ITGAX: variants seen among roughly 807,000 people sequenced by gnomAD.
ITGAX encodes integrin subunit alpha X.
Under a neutral mutation model 140.2 loss-of-function variants are expected in ITGAX, and 99 were observed. That is an observed-to-expected ratio of 0.71 (90% CI 0.60 to 0.83). The LOEUF (loss-of-function observed/expected upper bound fraction) is 0.83. Ranked by LOEUF, ITGAX falls within the 40% of genes least tolerant of loss-of-function variation. The probability of loss-of-function intolerance (pLI) is 0.00; values close to 1 mark genes in which losing one functional copy is unlikely to be tolerated. For synonymous variants in ITGAX, 631 were observed against 600.4 expected (o/e 1.05, Z -0.75); for missense variants, 1,444 against 1,482.0 (o/e 0.97, Z 0.42).
At chr16:31,359,429 A>G (rs1284472909) in intron 5 of ITGAX, among the ~76,000 whole-genome samples, 1 of 152,020 alleles carries the variant, frequency 6.6e-6, no homozygotes, top group Non-Finnish European at 1.5e-5. Context: ...CTCCCAAAGT[A>G]CTGGGATTAC....
rs758876644 is a variant in ITGAX at position 31,360,394 on chromosome 16, C to T, written c.792C>T (p.Gly264=). 8.7e-6 allele frequency: 14 copies of T among 1,613,992 alleles called. No individual in the cohort carries two copies. Among genetic ancestry groups the T allele is most frequent in the South Asian group, 5.5e-5 (5 of 91,086 alleles). Residue 264 remains glycine, a synonymous_variant, in exon 8 of 30, where the codon GGC becomes GGT. Coordinates refer to ENST00000268296, the MANE Select transcript of ITGAX (RefSeq NM_000887.5). ...TCATCACTGATGGGAAGAAAGAAGG[C>T]GACAGCCTGGATTATAAGGATGTCA... The part of the protein sequence containing the change: ...LIVITDGKKE[G]DSLDYKDVIP...
chr16:31,382,481 T>G lies in ITGAX; in HGVS notation c.*574T>G. 1 of 1,521,532 alleles carries G rather than the reference T, an allele frequency of 6.6e-7. No homozygotes were observed. Among genetic ancestry groups the G allele is most frequent in the South Asian group, 1.2e-5 (1 of 83,786 alleles). 94.3% of individuals were successfully genotyped at this position (1,521,532 alleles called of 1,614,324 possible). ...TGTCTTCAACAGCTCCCCATTACCC[T>G]CAGGACAATGTCTGAACTCTCCAGC... On this transcript the variant is annotated 3_prime_UTR_variant, in exon 30 of 30. Coordinates refer to ENST00000268296, the MANE Select transcript of ITGAX (RefSeq NM_000887.5).
chr16:31,360,470 C>T lies in ITGAX; in HGVS notation c.861+7C>T, dbSNP rs377370742. ...CATCCGCTATGCAATTGGGGTAGGG[C>T]GTGGGATGGCTTCCCACTTCTCCCA... On this transcript the variant is annotated splice_region_variant and intron_variant, in intron 8 of 29. Coordinates refer to ENST00000268296, the MANE Select transcript of ITGAX (RefSeq NM_000887.5). The T allele has an allele frequency of 1.3e-4, 205 of 1,594,866 alleles. 1 individual carries two copies. Among genetic ancestry groups the T allele is most frequent in the Non-Finnish European group, 1.6e-4 (185 of 1,170,348 alleles).
Position 31,371,133 on chromosome 16 carries a change from C to T in ITGAX, c.1760C>T (p.Ala587Val). Residue 587 changes from alanine (A) to valine (V), a missense_variant, in exon 15 of 30, where the codon GCA becomes GTA. By Grantham distance (64) the Ala-to-Val change is moderately conservative. Coordinates refer to ENST00000268296, the MANE Select transcript of ITGAX (RefSeq NM_000887.5). ...TCCAGGCTGCAGTATTTTGGGCAGGCACTGAGCGGGGGTCAAGACCTCACC... is the reference window on the plus strand; with the variant it reads ...TCCAGGCTGCAGTATTTTGGGCAGGTACTGAGCGGGGGTCAAGACCTCACC... Reference protein sequence around the residue: ...LSSRLQYFGQALSGGQDLTQD... With the variant: ...LSSRLQYFGQVLSGGQDLTQD... The T allele has an allele frequency of 6.2e-7, 1 of 1,614,138 alleles. No homozygotes were observed. Among genetic ancestry groups the T allele is most frequent in the Non-Finnish European group, 8.5e-7 (1 of 1,180,026 alleles).
At chr16:31,379,547 T>G in intron 23 of ITGAX, 21 bp from the exon 24 acceptor site, 2 of 1,554,710 alleles carry the variant, frequency 1.3e-6, no homozygotes, top group Non-Finnish European at 1.7e-6. Flanking sequence ...TCACATCCAC[T>G]TATGCGTCTT....
chr16:31,382,694 G>C lies in ITGAX; in HGVS notation c.*787G>C. ...TTGGGAGTGAGATGCCTGCATGCTG[G>C]GTTCTGCACAGCTGGCCTCCCGCGT... is the stretch of plus-strand genomic sequence containing the variant. On this transcript the variant is annotated 3_prime_UTR_variant, in exon 30 of 30. Coordinates refer to ENST00000268296, the MANE Select transcript of ITGAX (RefSeq NM_000887.5). 1 of 578,034 alleles carries C rather than the reference G, an allele frequency of 1.7e-6. No individual in the cohort carries two copies. The highest frequency in any genetic ancestry group is 2.0e-5 in the South Asian group (1 of 49,774). The allele number at this position is 578,034 out of a possible 1,614,324, so 35.8% of individuals were successfully genotyped here. A position where few individuals can be genotyped will look rare whatever the true frequency, so the allele number is the denominator to read the frequency against.
At chr16:31,376,938 C>T in intron 21 of ITGAX, 23 bp downstream of exon 21, 1 of 1,613,544 alleles carries the variant, frequency 6.2e-7, no homozygotes, top group Non-Finnish European at 8.5e-7. Flanking sequence ...TCTGTCCCCT[C>T]ACTGCTCCCC....
chr16:31,382,979 A>G lies in ITGAX; in HGVS notation c.*1072A>G, dbSNP rs989346414. The G allele has an allele frequency of 6.2e-6, 1 of 161,870 alleles. No homozygotes were observed. Among genetic ancestry groups the G allele is most frequent in the African/African-American group, 2.4e-5 (1 of 41,564 alleles). The allele number at this position is 161,870 out of a possible 1,614,324, so 10.0% of individuals were successfully genotyped here. The stretch of plus-strand genomic sequence containing the variant: ...TTGGGAAATATGTCAAAGGTCTAAA[A>G]ATAAAAAAGCCTTCTGTGGATATGA... On this transcript the variant is annotated 3_prime_UTR_variant, in exon 30 of 30. Coordinates refer to ENST00000268296, the MANE Select transcript of ITGAX (RefSeq NM_000887.5).
chr16:31,360,188 C>G lies in ITGAX; in HGVS notation c.708-122C>G, dbSNP rs913109729. 4.6e-6 allele frequency: 7 copies of G among 1,508,518 alleles called. 1 individual carries two copies. The Admixed American group carries it at 8.0e-5, about 17-fold the overall frequency. 93.4% of individuals were successfully genotyped at this position (1,508,518 alleles called of 1,614,324 possible). Reference sequence around the variant, plus strand: ...TCCAGCCCGTGATACCCTTGCCAAGCTGGGGCCTCTGGGTGGGACTGGGGC... The same window carrying G: ...TCCAGCCCGTGATACCCTTGCCAAGGTGGGGCCTCTGGGTGGGACTGGGGC... On this transcript the variant is annotated intron_variant, in intron 7 of 29. Coordinates refer to ENST00000268296, the MANE Select transcript of ITGAX (RefSeq NM_000887.5).
chr16:31,355,875 T>C lies in ITGAX; in HGVS notation c.38-18T>C, dbSNP rs763363261. 6.3e-7 allele frequency: 1 copy of C among 1,595,218 alleles called. No homozygotes were observed. Among genetic ancestry groups the C allele is most frequent in the Admixed American group, 1.7e-5 (1 of 59,678 alleles). On this transcript the variant is annotated intron_variant, in intron 1 of 29. Transcript: ENST00000268296. ...AGGAAGACCCTTCTCCAAAGCTCTC[T>C]TCCCACCTCTTTCCCAGCCTTAGCA...
intron 9 of ITGAX, 140 bp downstream of exon 9, chr16:31,361,353 G>A: frequency 1.0e-6 from 1 of 1,000,622 alleles, no homozygotes; most frequent in Non-Finnish European, 1.5e-6. Flanking sequence ...ATGTCTGTCA[G>A]CTTGTCCCCA....
chr16:31,364,426 C>CAA (rs56776715), intron 14 of ITGAX, among the ~76,000 whole-genome samples: 72 of 42,328 alleles, frequency 1.7e-3, no homozygotes, highest in African/African-American at 2.9e-3. Context: ...AATCCCGTGT[C>CAA]AAAAAAAAAA....
rs761461446 is a variant in ITGAX at position 31,371,095 on chromosome 16, C to A, written c.1722C>A (p.Gly574=). ...ISPSHSQRIA[G]SQLSSRLQYF... is the part of the protein sequence containing the mutation. ...TCTCCTCTGGCCAGCGGATCGCGGG[C>A]TCCCAGCTCTCCTCCAGGCTGCAGT... Residue 574 remains glycine, a synonymous_variant, in exon 15 of 30, where the codon GGC becomes GGA. Transcript: ENST00000268296. 1 of 1,614,088 alleles carries A rather than the reference C, an allele frequency of 6.2e-7. No individual in the cohort carries two copies. The highest frequency in any genetic ancestry group is 8.5e-7 in the Non-Finnish European group (1 of 1,180,034).
intron 4 of ITGAX, 34 bp downstream of exon 4, chr16:31,357,135 G>C (rs1270565459): frequency 1.9e-6 from 3 of 1,583,872 alleles, no homozygotes; most frequent in African/African-American, 1.4e-5. Flanking sequence ...GGCTTCTGAG[G>C]GAGGGAGGGA....
Position 31,361,834 on chromosome 16 carries a change from A to G in ITGAX, c.1013-2A>G, listed in dbSNP as rs758407145. The G allele has an allele frequency of 1.9e-6, 3 of 1,613,944 alleles. No individual in the cohort carries two copies. The highest frequency in any genetic ancestry group is 2.5e-6 in the Non-Finnish European group (3 of 1,179,936). On this transcript the variant is annotated splice_acceptor_variant, in intron 9 of 29. Transcript: ENST00000268296. LOFTEE classifies it high-confidence loss of function. The stretch of plus-strand genomic sequence containing the variant: ...GCACTCAAGCGTCATGCCTTCCCCC[A>G]GGTACGGAGACCACAAGCAGTAGCT...
chr16:31,361,800 C>T, intron 9 of ITGAX, 36 bp from the exon 10 acceptor site: 1 of 1,609,332 alleles, frequency 6.2e-7, no homozygotes, highest in Non-Finnish European at 8.5e-7. Flanking sequence ...AAGCCCGTCT[C>T]CCTCCCTGGC....
At chr16:31,374,801 C>T (rs962826747) in intron 20 of ITGAX, among the ~76,000 whole-genome samples, 1 of 152,202 alleles carries the variant, frequency 6.6e-6, no homozygotes, top group Non-Finnish European at 1.5e-5. Context: ...TCCTTATTCA[C>T]TCTGCTATGG....
intron 5 of ITGAX, among the ~76,000 whole-genome samples, 154 bp from the exon 6 acceptor site, chr16:31,359,546 G>A: frequency 6.6e-6 from 1 of 152,200 alleles, no homozygotes; most frequent in Non-Finnish European, 1.5e-5. Flanking sequence ...CCCCTGATGA[G>A]GAGAGGACCC....
intron 14 of ITGAX, among the ~76,000 whole-genome samples, chr16:31,369,204 C>A (rs1354808309): frequency 6.6e-6 from 1 of 151,230 alleles, no homozygotes; most frequent in Admixed American, 6.6e-5. Flanking sequence ...GTGCCCCTCA[C>A]CTCCCGGACG....
Sources: allele counts gnomAD v4.1 joint callset (sites outside exome capture counted in the v4.1 genomes callset), GRCh38; gene constraint gnomAD v4.1.1; transcripts MANE v1.5; gene names NCBI Gene and HGNC (gene_info 2026-07-23, HGNC 2026-07-21).